The following SLC38A9 variants were observed in gnomAD, a reference collection of about 807,000 sequenced individuals.
SLC38A9 encodes solute carrier family 38 member 9, also known as neutral amino acid transporter 9.
SLC38A9 carries 48 observed loss-of-function variants against 62.3 expected under a neutral mutation model. That is an observed-to-expected ratio of 0.77 (90% CI 0.61 to 0.98). The LOEUF (loss-of-function observed/expected upper bound fraction) is 0.98, where lower values mean the gene tolerates loss of function less well. Ranked by LOEUF, SLC38A9 falls within the 50% of genes least tolerant of loss-of-function variation. SLC38A9 has a pLI of 0.00. For missense variants in SLC38A9, 541 were observed against 679.8 expected (o/e 0.80, Z 2.27); for synonymous variants, 204 against 227.7 (o/e 0.90, Z 0.94).
At chr5:55,645,921 A>T in intron 11 of SLC38A9, 26 bp from the exon 12 acceptor site, 5 of 1,453,186 alleles carry the variant, frequency 3.4e-6, no homozygotes, top group Non-Finnish European at 3.8e-6. Context: ...AAACAAGAAC[A>T]TTAAAACTGA....
chr5:55,628,854 G>C lies in SLC38A9; in HGVS notation c.1431-874C>G, dbSNP rs114795829. 6.8e-3 allele frequency among the ~76,000 whole-genome samples: 1,036 copies of C among 152,252 alleles called. 12 individuals carry two copies. Among genetic ancestry groups the C allele is most frequent in the African/African-American group, 0.024 (998 of 41,552 alleles). Reference sequence around the variant, plus strand: ...ATGTAGATGAAAATTTGATGCTGAAGAAAGAACTCCATTTCCCCTGAAAAT... The same window carrying C: ...ATGTAGATGAAAATTTGATGCTGAACAAAGAACTCCATTTCCCCTGAAAAT... On this transcript the variant is annotated intron_variant, in intron 14 of 15. Transcript: ENST00000396865.
chr5:55,643,123 G>A, intron 12 of SLC38A9, among the ~76,000 whole-genome samples: 1 of 152,184 alleles, frequency 6.6e-6, no homozygotes, highest in East Asian at 1.9e-4. Context: ...ACTTTTGTTT[G>A]CCTTGGGTTT....
intron 12 of SLC38A9, among the ~76,000 whole-genome samples, chr5:55,639,266 T>C (rs1580107951): frequency 1.9e-5 from 2 of 106,102 alleles, no homozygotes; most frequent in Non-Finnish European, 1.8e-5. Flanking sequence ...AGAACGAAAC[T>C]CTGTCTAAAA....
At chr5:55,666,697 C>G (rs1750515267) in intron 7 of SLC38A9, among the ~76,000 whole-genome samples, 1 of 151,500 alleles carries the variant, frequency 6.6e-6, no homozygotes, top group Non-Finnish European at 1.5e-5. Context: ...AGTTCGAGAC[C>G]AGCCTGGCCA....
chr5:55,697,428 C>T (rs1368360579), intron 3 of SLC38A9, among the ~76,000 whole-genome samples: 3 of 151,974 alleles, frequency 2.0e-5, no homozygotes, highest in Non-Finnish European at 4.4e-5. Context: ...TACAGGTATA[C>T]AATGAAATAA....
intron 4 of SLC38A9, 22 bp from the exon 5 acceptor site, chr5:55,669,901 T>A: frequency 6.4e-7 from 1 of 1,571,786 alleles, no homozygotes; most frequent in Non-Finnish European, 8.6e-7. Context: ...GAAACATAGA[T>A]AAATTTCAGA....
At chr5:55,661,732 G>A (rs879811164) in intron 8 of SLC38A9, among the ~76,000 whole-genome samples, 2 of 151,972 alleles carry the variant, frequency 1.3e-5, no homozygotes, top group African/African-American at 2.4e-5. Context: ...ATAACACAGA[G>A]CTACCATATA....
intron 3 of SLC38A9, among the ~76,000 whole-genome samples, chr5:55,680,655 C>T (rs1375698594): frequency 8.9e-6 from 1 of 112,048 alleles, no homozygotes; most frequent in African/African-American, 2.9e-5. Flanking sequence ...ATTCCTTACA[C>T]AGCACCAAAT....
At chr5:55,643,160 A>G (rs1167940749) in intron 12 of SLC38A9, among the ~76,000 whole-genome samples, 5 of 152,212 alleles carry the variant, frequency 3.3e-5, no homozygotes, top group Non-Finnish European at 2.9e-5. Flanking sequence ...TCTATCGTCT[A>G]AGGTAGAAAG....
chr5:55,682,512 G>T (rs1753171766), intron 3 of SLC38A9, among the ~76,000 whole-genome samples: 1 of 152,134 alleles, frequency 6.6e-6, no homozygotes, highest in Admixed American at 6.5e-5. Context: ...ACATGTATAG[G>T]CTGGGTGTGG....
intron 3 of SLC38A9, chr5:55,691,404 A>G: frequency 7.9e-7 from 1 of 1,263,292 alleles, no homozygotes; most frequent in Non-Finnish European, 1.0e-6. Context: ...CCTGGGTAAT[A>G]CTGGGCATAC....
chr5:55,695,446 G>C lies in SLC38A9; in HGVS notation c.113+2400C>G, dbSNP rs189433453. Among the ~76,000 whole-genome samples, 169 of 88,834 alleles carry C rather than the reference G, an allele frequency of 1.9e-3. 47 individuals carry two copies. Among genetic ancestry groups the C allele is most frequent in the African/African-American group, 5.6e-3 (163 of 28,878 alleles). The allele number at this position is 88,834 out of a possible 152,430, so 58.3% of individuals were successfully genotyped here. A position where few individuals can be genotyped will look rare whatever the true frequency, so the allele number is the denominator to read the frequency against. ...GCAGCGGTTGTGTCCCTGGGTACTT[G>C]AGATTAGGGAGTGGTGATGGCTCTT... On this transcript the variant is annotated intron_variant, in intron 3 of 15. Transcript: ENST00000396865.
chr5:55,695,144 A>ACT (rs1755310840), intron 3 of SLC38A9, among the ~76,000 whole-genome samples: 1 of 92,980 alleles, frequency 1.1e-5, no homozygotes, highest in Admixed American at 1.0e-4. Context: ...CTTAGTGTTA[A>ACT]ATTTTTTTAA....
intron 14 of SLC38A9, among the ~76,000 whole-genome samples, chr5:55,632,601 T>G (rs11743876): frequency 0.65 from 98,394 of 152,092 alleles, 32,070 homozygotes; most frequent in South Asian, 0.73. Context: ...CCCGAAGCTA[T>G]CTTAGAAACT....
intron 10 of SLC38A9, 111 bp from the exon 11 acceptor site, chr5:55,649,425 G>C (rs2051134407): frequency 1.7e-6 from 1 of 587,548 alleles, no homozygotes; most frequent in African/African-American, 1.9e-5. Context: ...ACTGTTAACT[G>C]CATTGATTAT....
chr5:55,687,872 T>A (rs1028715233), intron 3 of SLC38A9, among the ~76,000 whole-genome samples: 7 of 152,064 alleles, frequency 4.6e-5, no homozygotes, highest in African/African-American at 1.7e-4. Flanking sequence ...TAATTTTTTG[T>A]ATTTTTAGTA....
At chr5:55,680,592 TC>T (rs1752862191) in intron 3 of SLC38A9, among the ~76,000 whole-genome samples, 1 of 95,058 alleles carries the variant, frequency 1.1e-5, no homozygotes, top group Admixed American at 9.9e-5. Context: ...CTTCTCAGCT[TC>T]CAGATTGTGA....
rs940055859 is a variant in SLC38A9 at position 55,672,672 on chromosome 5, T to C, written c.137A>G (p.Asn46Ser). The change falls in exon 4 of 16, where the codon AAC becomes AGC. Residue 46 changes from asparagine to serine, a missense_variant. By Grantham distance (46) the Asn-to-Ser change is conservative. Transcript: ENST00000396865. Reference protein sequence around the residue: ...SKRPFCIEPTNIVNVNHVIQR... With the variant: ...SKRPFCIEPTSIVNVNHVIQR... Reference sequence around the variant, plus strand: ...AATGACATGATTCACATTCACGATGTTTGTGGGCTCTATACAGAAAGGCCT... The same window carrying C: ...AATGACATGATTCACATTCACGATGCTTGTGGGCTCTATACAGAAAGGCCT... 22 of 1,613,942 alleles carry C rather than the reference T, an allele frequency of 1.4e-5. No individual in the cohort carries two copies. Among genetic ancestry groups the C allele is most frequent in the Non-Finnish European group, 1.9e-5 (22 of 1,180,018 alleles).
At chr5:55,676,732 A>G (rs1752154330) in intron 3 of SLC38A9, among the ~76,000 whole-genome samples, 1 of 152,214 alleles carries the variant, frequency 6.6e-6, no homozygotes, top group African/African-American at 2.4e-5. Flanking sequence ...AGGTGTCAAT[A>G]GTATGCTACG....
Sources: allele counts gnomAD v4.1 joint callset (sites outside exome capture counted in the v4.1 genomes callset), GRCh38; gene constraint gnomAD v4.1.1; transcripts MANE v1.5; gene names NCBI Gene and HGNC (gene_info 2026-07-23, HGNC 2026-07-21).